Variants in STEAP3 observed in about 807,000 individuals in gnomAD.
STEAP3 encodes the protein metalloreductase STEAP3.
In STEAP3, 35 loss-of-function variants were observed where a neutral mutation model predicts 34.9. That is an observed-to-expected ratio of 1.00 (90% CI 0.76 to 1.33). The LOEUF (loss-of-function observed/expected upper bound fraction) is 1.33. Among genes scored for constraint, STEAP3 ranks in the 40% most tolerant of loss-of-function variants. STEAP3 has a pLI of 0.00. For missense variants in STEAP3, 652 were observed against 667.6 expected (o/e 0.98, Z 0.26); for synonymous variants, 281 against 301.6 (o/e 0.93, Z 0.71).
In STEAP3 at chr2:119,263,842, G is replaced by A. The variant is rs1458797958; in HGVS notation, c.*504G>A. 1.0e-5 allele frequency: 2 copies of A among 200,152 alleles called. No homozygotes were observed. Among genetic ancestry groups the A allele is most frequent in the Non-Finnish European group, 2.1e-5 (2 of 96,960 alleles). 12.4% of individuals were successfully genotyped at this position (200,152 alleles called of 1,614,324 possible). On this transcript the variant is annotated 3_prime_UTR_variant, in exon 6 of 6. Transcript: ENST00000393110. Reference sequence around the variant, plus strand: ...GGCTCTGCCCAGAGCCATCCCTGGAGCATGTGAGCAGCGGCTGGTCTCTTC... The same window carrying A: ...GGCTCTGCCCAGAGCCATCCCTGGAACATGTGAGCAGCGGCTGGTCTCTTC...
chr2:119,240,359 C>A (rs1001247415), intron 2 of STEAP3, among the ~76,000 whole-genome samples: 1 of 152,258 alleles, frequency 6.6e-6, no homozygotes, highest in African/African-American at 2.4e-5. Flanking sequence ...CTGCAGGCCG[C>A]CCCCACTCCA....
At chr2:119,247,606 C>T in intron 3 of STEAP3, 73 bp from the exon 4 acceptor site, 3 of 1,454,770 alleles carry the variant, frequency 2.1e-6, no homozygotes, top group South Asian at 2.9e-5. Context: ...TCGGTTTCCT[C>T]AGCTGCTCAG....
chr2:119,236,243 A>G (rs1457066130), intron 2 of STEAP3, among the ~76,000 whole-genome samples: 1 of 152,230 alleles, frequency 6.6e-6, no homozygotes, highest in East Asian at 1.9e-4. Context: ...AGTAAATTTA[A>G]CAGGCTCAGA....
chr2:119,258,789 T>C (rs2104847028), intron 5 of STEAP3, among the ~76,000 whole-genome samples: 1 of 147,140 alleles, frequency 6.8e-6, no homozygotes, highest in African/African-American at 2.5e-5. Context: ...TTTTTTTTTT[T>C]TTTTTTGTAT....
At chr2:119,243,626 ACTG>A (rs367889354) in intron 2 of STEAP3, among the ~76,000 whole-genome samples, 23 of 152,266 alleles carry the variant, frequency 1.5e-4, no homozygotes, top group African/African-American at 5.5e-4. Context: ...ATTAATAGGA[ACTG>A]CTGCTGCTGC....
chr2:119,254,573 AGGTG>A, intron 4 of STEAP3, 107 bp from the exon 5 acceptor site: 1 of 1,184,818 alleles, frequency 8.4e-7, no homozygotes, highest in Admixed American at 1.8e-5. Context: ...AGGTAGCGTC[AGGTG>A]CAGTGTGAGC....
At chr2:119,256,096 C>G (rs1677765811) in intron 5 of STEAP3, among the ~76,000 whole-genome samples, 3 of 152,202 alleles carry the variant, frequency 2.0e-5, no homozygotes, top group Admixed American at 2.0e-4. Flanking sequence ...CTATCCACCC[C>G]CACTATCAAC....
chr2:119,232,094 G>C (rs1471162462), intron 2 of STEAP3, among the ~76,000 whole-genome samples: 1 of 152,204 alleles, frequency 6.6e-6, no homozygotes, highest in Non-Finnish European at 1.5e-5. Context: ...ATGAGTTGGA[G>C]CAGCTCAGTG....
chr2:119,260,964 G>A (rs962126228), intron 5 of STEAP3, among the ~76,000 whole-genome samples: 1 of 152,168 alleles, frequency 6.6e-6, no homozygotes, highest in East Asian at 1.9e-4. Flanking sequence ...GGTTTTATTT[G>A]GTTATTTTAC....
chr2:119,225,802 A>G (rs916545130), intron 1 of STEAP3, among the ~76,000 whole-genome samples: 2 of 152,240 alleles, frequency 1.3e-5, no homozygotes, highest in Non-Finnish European at 1.5e-5. Context: ...TGAAGCCCTC[A>G]GCTCTCTGAA....
intron 5 of STEAP3, chr2:119,257,345 A>C: frequency 7.6e-7 from 1 of 1,319,268 alleles, no homozygotes; most frequent in East Asian, 3.0e-5. Flanking sequence ...CCTCTTGGAG[A>C]AACAGAGATA....
chr2:119,254,563 A>G (rs764785884), intron 4 of STEAP3, 121 bp from the exon 5 acceptor site: 53 of 1,066,644 alleles, frequency 5.0e-5, no homozygotes, highest in Non-Finnish European at 7.1e-5. Context: ...TCACAGAGCC[A>G]GGTAGCGTCA....
At chr2:119,226,722 C>T (rs1407490894) in intron 1 of STEAP3, among the ~76,000 whole-genome samples, 1 of 152,156 alleles carries the variant, frequency 6.6e-6, no homozygotes, top group East Asian at 1.9e-4. Flanking sequence ...CTCCAACCGT[C>T]ACATCCTTGG....
chr2:119,225,924 G>A (rs1177797932), intron 1 of STEAP3, among the ~76,000 whole-genome samples: 1 of 152,260 alleles, frequency 6.6e-6, no homozygotes, highest in African/African-American at 2.4e-5. Flanking sequence ...TAGGAGTGCA[G>A]TAAATATCGG....
intron 5 of STEAP3, among the ~76,000 whole-genome samples, chr2:119,255,113 T>C (rs1197674065): frequency 6.6e-6 from 1 of 152,128 alleles, no homozygotes; most frequent in Non-Finnish European, 1.5e-5. Context: ...GAGCCCTGGG[T>C]CCACCATTCT....
intron 2 of STEAP3, among the ~76,000 whole-genome samples, chr2:119,243,049 C>T (rs1677296813): frequency 1.3e-5 from 2 of 152,216 alleles, no homozygotes; most frequent in Non-Finnish European, 2.9e-5. Flanking sequence ...AGTGTCTTGG[C>T]GGGTGCCTGC....
intron 2 of STEAP3, among the ~76,000 whole-genome samples, chr2:119,232,267 C>A (rs895623077): frequency 1.3e-5 from 2 of 152,170 alleles, no homozygotes; most frequent in African/African-American, 2.4e-5. Context: ...ACAGTGGATC[C>A]GGGGCAGGCA....
chr2:119,229,143 G>C (rs975505552), intron 1 of STEAP3, among the ~76,000 whole-genome samples: 21 of 152,286 alleles, frequency 1.4e-4, no homozygotes, highest in African/African-American at 5.1e-4. Flanking sequence ...ACAAATATTT[G>C]AAAGCACTGC....
chr2:119,246,592 G>A (rs981529797), intron 3 of STEAP3: 1 of 155,690 alleles, frequency 6.4e-6, no homozygotes, highest in African/African-American at 2.4e-5. Context: ...AAGAATGCCA[G>A]ACTCCATGTG....
Sources: allele counts gnomAD v4.1 joint callset (sites outside exome capture counted in the v4.1 genomes callset), GRCh38; gene constraint gnomAD v4.1.1; transcripts MANE v1.5; gene names NCBI Gene and HGNC (gene_info 2026-07-23, HGNC 2026-07-21).